DUSP19: variants seen among roughly 807,000 people sequenced by gnomAD.
DUSP19 encodes dual specificity protein phosphatase 19.
DUSP19 carries 14 observed loss-of-function variants against 16.6 expected under a neutral mutation model. The ratio of observed to expected loss-of-function variants is 0.84; its 90% confidence interval spans 0.56 to 1.32. The LOEUF (loss-of-function observed/expected upper bound fraction) is 1.32, where lower values mean the gene tolerates loss of function less well. DUSP19 is among the 40% of genes most tolerant of loss of function. The pLI is 0.00. For missense variants in DUSP19, 258 were observed against 255.9 expected (o/e 1.01, Z -0.06); for synonymous variants, 81 against 90.5 (o/e 0.90, Z 0.59).
At chr2:183,089,737 G>T (rs1397535868) in intron 3 of DUSP19, among the ~76,000 whole-genome samples, 1 of 152,168 alleles carries the variant, frequency 6.6e-6, no homozygotes, top group Non-Finnish European at 1.5e-5. Flanking sequence ...AGATGAATTA[G>T]ATTTCAGAAA....
At chr2:183,082,955 G>T (rs1402676965) in intron 1 of DUSP19, among the ~76,000 whole-genome samples, 2 of 150,896 alleles carry the variant, frequency 1.3e-5, no homozygotes, top group Non-Finnish European at 3.0e-5. Context: ...AGGCTGGAGT[G>T]CAGTGGCATA....
intron 3 of DUSP19, among the ~76,000 whole-genome samples, chr2:183,093,526 C>G (rs1320194129): frequency 6.6e-6 from 1 of 152,092 alleles, no homozygotes; most frequent in Non-Finnish European, 1.5e-5. Flanking sequence ...TTGTTTGTTA[C>G]TATTTTGAGC....
rs553821474 is a variant in DUSP19 at position 183,091,246 on chromosome 2, A to G, written c.426+4054A>G. ...AAGTACCTAAATTCACGAAGTTTTT[A>G]GATGCTTCTGTTACAAGTAGAGGGT... On this transcript the variant is annotated intron_variant, in intron 3 of 3. Coordinates refer to ENST00000354221, the MANE Select transcript of DUSP19 (RefSeq NM_080876.4). 4.6e-5 allele frequency among the ~76,000 whole-genome samples: 7 copies of G among 152,314 alleles called. No individual in the cohort carries two copies. The South Asian group carries it at 1.5e-3, about 32-fold the overall frequency.
chr2:183,085,025 A>G (rs2105498878), intron 2 of DUSP19, among the ~76,000 whole-genome samples: 1 of 152,316 alleles, frequency 6.6e-6, no homozygotes, highest in Non-Finnish European at 1.5e-5. Flanking sequence ...AGCAACGTAG[A>G]AGGAACAGGC....
chr2:183,095,741 T>A lies in DUSP19; in HGVS notation c.*83T>A. 9.2e-7 allele frequency: 1 copy of A among 1,085,886 alleles called. No homozygotes were observed. Among genetic ancestry groups the A allele is most frequent in the Non-Finnish European group, 1.3e-6 (1 of 760,174 alleles). 67.3% of individuals were successfully genotyped at this position (1,085,886 alleles called of 1,614,324 possible). A position where few individuals can be genotyped will look rare whatever the true frequency, so the allele number is the denominator to read the frequency against. On this transcript the variant is annotated 3_prime_UTR_variant, in exon 4 of 4. Coordinates refer to ENST00000354221, the MANE Select transcript of DUSP19 (RefSeq NM_080876.4). ...CTTTTCCCTTTTTTGGAGAGTAGAC[T>A]AGCAAAACTCCCTTTTTTCTCTTGC...
At chr2:183,088,346 G>A (rs1699688025) in intron 3 of DUSP19, among the ~76,000 whole-genome samples, 1 of 149,558 alleles carries the variant, frequency 6.7e-6, no homozygotes, top group South Asian at 2.1e-4. Flanking sequence ...ATGCACGACT[G>A]TATTTGGATG....
intron 3 of DUSP19, among the ~76,000 whole-genome samples, chr2:183,089,022 G>C (rs542954865): frequency 6.6e-6 from 1 of 152,244 alleles, no homozygotes; most frequent in East Asian, 1.9e-4. Context: ...AATAAGCTTG[G>C]AATTTTAAAT....
intron 3 of DUSP19, among the ~76,000 whole-genome samples, chr2:183,091,170 T>G (rs539981778): frequency 6.6e-6 from 1 of 152,316 alleles, no homozygotes; most frequent in South Asian, 2.1e-4. Context: ...GTTTGTAGTT[T>G]TTTGTTCAAT....
rs201690998 is a variant in DUSP19, at chr2:183,098,065, A to AT, written c.*2416dup. ...TGCCACCATGCCCAGCAAATTTTGT[A>AT]TTTTTTTTTGGTAGAGACAGGGTTC... On this transcript the variant is annotated 3_prime_UTR_variant, in exon 4 of 4. Transcript: ENST00000354221. 1.1e-4 allele frequency: 17 copies of AT among 150,818 alleles called. No homozygotes were observed. In the South Asian group the frequency reaches 1.5e-3, roughly 13 times the overall value. 9.3% of individuals were successfully genotyped at this position (150,818 alleles called of 1,614,324 possible). A position where few individuals can be genotyped will look rare whatever the true frequency, so the allele number is the denominator to read the frequency against.
chr2:183,082,886 GTCTTTTCTTTTCTTATCTTT>G (rs1417356906), intron 1 of DUSP19, among the ~76,000 whole-genome samples: 1 of 87,836 alleles, frequency 1.1e-5, no homozygotes, highest in Non-Finnish European at 2.1e-5. Context: ...GTCTTGTCTT[GTCTTTTCTTTTCTTATCTTT>G]TCTTTTCTTT....
rs1699790858 is a variant in DUSP19, at chr2:183,095,634, CAG to C, written c.632_633del (p.Arg211AsnfsTer18). 2 of 1,613,782 alleles carry C rather than the reference CAG, an allele frequency of 1.2e-6. No homozygotes were observed. Among genetic ancestry groups the C allele is most frequent in the East Asian group, 2.2e-5 (1 of 44,866 alleles). ...AGGGCAAAGAAAGCAATAAGTGTGA[CAG>C]AATACAGGAGAACAGTTCATGAGTT... ...QEGKESNKCD[R>X]IQENSS On this transcript the variant is annotated frameshift_variant, in exon 4 of 4. Transcript: ENST00000354221. LOFTEE classifies it high-confidence loss of function.
At position 183,096,168 on chromosome 2, in the gene DUSP19, G is replaced by C. The variant is rs959705621; in HGVS notation, c.*510G>C. The C allele has an allele frequency of 2.0e-5, 3 of 151,784 alleles. No homozygotes were observed. Among genetic ancestry groups the C allele is most frequent in the African/African-American group, 7.3e-5 (3 of 41,334 alleles). 9.4% of individuals were successfully genotyped at this position (151,784 alleles called of 1,614,324 possible). The stretch of plus-strand genomic sequence containing the variant: ...TGAAGGTTTATACAATATTTACACA[G>C]TGGCTACAATATTCACAAAATTCTT... On this transcript the variant is annotated 3_prime_UTR_variant, in exon 4 of 4. Transcript: ENST00000354221.
At chr2:183,094,766 A>G (rs1194968908) in intron 3 of DUSP19, among the ~76,000 whole-genome samples, 1 of 152,246 alleles carries the variant, frequency 6.6e-6, no homozygotes, top group Non-Finnish European at 1.5e-5. Context: ...ACTTTCTGCC[A>G]GGATAAAATA....
intron 1 of DUSP19, 82 bp downstream of exon 1, chr2:183,079,241 T>G: frequency 7.7e-7 from 1 of 1,300,214 alleles, no homozygotes; most frequent in Non-Finnish European, 1.1e-6. Flanking sequence ...TGCGTAATAG[T>G]CTGTATTATC....
intron 2 of DUSP19, among the ~76,000 whole-genome samples, chr2:183,085,773 C>T (rs192987188): frequency 2.7e-5 from 4 of 145,670 alleles, no homozygotes; most frequent in Non-Finnish European, 5.9e-5. Context: ...TGAGCCTTAT[C>T]GAAGATGCAC....
At chr2:183,079,483 G>A (rs1027755014) in intron 1 of DUSP19, among the ~76,000 whole-genome samples, 2 of 151,566 alleles carry the variant, frequency 1.3e-5, no homozygotes, top group Non-Finnish European at 2.9e-5. Context: ...AATACAGCTT[G>A]AAAAAAAAGG....
chr2:183,095,046 T>C (rs1296543893), intron 3 of DUSP19, among the ~76,000 whole-genome samples: 1 of 151,992 alleles, frequency 6.6e-6, no homozygotes, highest in Non-Finnish European at 1.5e-5. Flanking sequence ...ATGTGTACTT[T>C]ACTGATACAT....
Position 183,095,597 on chromosome 2 carries a change from G to A in DUSP19, c.593G>A (p.Arg198His), listed in dbSNP as rs774307614. The A allele has an allele frequency of 9.9e-6, 16 of 1,613,794 alleles. No individual in the cohort carries two copies. The highest frequency in any genetic ancestry group is 8.8e-5 in the South Asian group (8 of 91,070). The change falls in exon 4 of 4, where the codon CGT (arginine) becomes CAT (histidine). Residue 198 changes from arginine to histidine, a missense_variant. By Grantham distance (29) the Arg-to-His change is conservative. Coordinates refer to ENST00000354221, the MANE Select transcript of DUSP19 (RefSeq NM_080876.4). The stretch of plus-strand genomic sequence containing the variant: ...AATTCTGGCTTCATGGAGCAGCTTC[G>A]TACATATCAAGAGGGCAAAGAAAGC... ...CPNSGFMEQL[R>H]TYQEGKESNK...
At chr2:183,091,736 A>C (rs1489807700) in intron 3 of DUSP19, among the ~76,000 whole-genome samples, 1 of 152,226 alleles carries the variant, frequency 6.6e-6, no homozygotes, top group African/African-American at 2.4e-5. Context: ...TCCCATCTGC[A>C]TGCAGAAAAG....
Sources: gnomAD v4.1 joint callset for allele counts (sites outside exome capture counted in the v4.1 genomes callset) on GRCh38, gnomAD v4.1.1 for gene constraint, MANE v1.5 for transcripts, NCBI Gene and HGNC (gene_info 2026-07-23, HGNC 2026-07-21) for gene names.